The following MAP3K14 variants were observed in gnomAD, a reference collection of about 807,000 sequenced individuals.
MAP3K14 encodes the protein NF-kappa-beta-inducing kinase.
Under a neutral mutation model 99.2 loss-of-function variants are expected in MAP3K14, and 16 were observed. The observed-to-expected ratio is 0.16, with a 90% CI of 0.11 to 0.24. The LOEUF is 0.24. MAP3K14 is among the 10% of genes least tolerant of loss of function. MAP3K14 has a pLI of 1.00. For synonymous variants in MAP3K14, 462 were observed against 492.4 expected (o/e 0.94, Z 0.82); for missense variants, 784 against 1,208.7 (o/e 0.65, Z 5.21).
chr17:45,270,972 A>G lies in MAP3K14; in HGVS notation c.1821+86T>C, dbSNP rs546776472. ...CAGGCCTCCCCTTGCTCCATCTGCCACCGCAGAGCAGCCCCTCCAGCCTGC... is the reference window on the plus strand; with the variant it reads ...CAGGCCTCCCCTTGCTCCATCTGCCGCCGCAGAGCAGCCCCTCCAGCCTGC... On this transcript the variant is annotated intron_variant, in intron 10 of 15. Coordinates refer to ENST00000344686, the MANE Select transcript of MAP3K14 (RefSeq NM_003954.5). The G allele has an allele frequency of 4.0e-5, 61 of 1,517,004 alleles. No individual in the cohort carries two copies. In the African/African-American group the frequency reaches 7.3e-4, roughly 18 times the overall value. The allele number at this position is 1,517,004 out of a possible 1,614,324, so 94.0% of individuals were successfully genotyped here. A position where few individuals can be genotyped will look rare whatever the true frequency, so the allele number is the denominator to read the frequency against.
chr17:45,287,097 G>T, intron 4 of MAP3K14, 52 bp from the exon 5 acceptor site: 2 of 1,602,178 alleles, frequency 1.2e-6, no homozygotes, highest in Non-Finnish European at 8.5e-7. Context: ...CCAGGGACAG[G>T]CTCCAATTTC....
chr17:45,290,931 T>C, intron 1 of MAP3K14, 166 bp from the exon 2 acceptor site: 1 of 629,950 alleles, frequency 1.6e-6, no homozygotes, highest in South Asian at 1.9e-5. Context: ...GGTAACAGAG[T>C]CCACCTCTCA....
At chr17:45,293,920 C>G (rs2044330261) in intron 1 of MAP3K14, among the ~76,000 whole-genome samples, 1 of 152,228 alleles carries the variant, frequency 6.6e-6, no homozygotes, top group South Asian at 2.1e-4. Context: ...CTACAAAAAT[C>G]ATGGTTCTGT....
At chr17:45,316,618 G>A (rs1028897328) in intron 1 of MAP3K14, among the ~76,000 whole-genome samples, 10 of 152,214 alleles carry the variant, frequency 6.6e-5, no homozygotes, top group Non-Finnish European at 1.5e-4. Context: ...TGGGGGCACT[G>A]GGGCGCAGAG....
At chr17:45,266,317 G>A in intron 14 of MAP3K14, 1 of 494,912 alleles carries the variant, frequency 2.0e-6, no homozygotes, top group Non-Finnish European at 3.6e-6. Flanking sequence ...ACAATGAGGG[G>A]ATAATGGTCC....
At chr17:45,266,403 C>G in intron 14 of MAP3K14, 134 bp downstream of exon 14, 8 of 1,210,630 alleles carry the variant, frequency 6.6e-6, no homozygotes, top group Non-Finnish European at 9.1e-6. Flanking sequence ...CCAGGAACCT[C>G]AAGTTCTGGG....
At chr17:45,300,460 T>C (rs2044378674) in intron 1 of MAP3K14, among the ~76,000 whole-genome samples, 1 of 152,216 alleles carries the variant, frequency 6.6e-6, no homozygotes, top group Non-Finnish European at 1.5e-5. Flanking sequence ...GGCCATTGTT[T>C]CCCCAAACAT....
intron 1 of MAP3K14, among the ~76,000 whole-genome samples, chr17:45,304,298 T>C (rs2044415287): frequency 6.6e-6 from 1 of 152,202 alleles, no homozygotes. Flanking sequence ...GCCACCATGG[T>C]TGACCTCTAA....
chr17:45,312,375 G>A (rs1487638672), intron 1 of MAP3K14, among the ~76,000 whole-genome samples: 1 of 152,090 alleles, frequency 6.6e-6, no homozygotes, highest in Non-Finnish European at 1.5e-5. Flanking sequence ...CTTGACATCC[G>A]GTGATCTATT....
chr17:45,275,760 CT>C (rs369154222), intron 6 of MAP3K14, among the ~76,000 whole-genome samples: 29,597 of 123,270 alleles, frequency 0.24, 3,077 homozygotes, highest in East Asian at 0.36. Context: ...CTTTTCTTTT[CT>C]TTTTTTTTTT....
intron 2 of MAP3K14, among the ~76,000 whole-genome samples, chr17:45,289,832 G>C (rs1383304614): frequency 1.3e-5 from 2 of 152,202 alleles, no homozygotes; most frequent in Non-Finnish European, 2.9e-5. Context: ...CAGCATGGCT[G>C]TCCAGCTCTC....
At chr17:45,265,353 TAA>T in intron 14 of MAP3K14, 90 bp from the exon 15 acceptor site, 1 of 824,130 alleles carries the variant, frequency 1.2e-6, no homozygotes, top group South Asian at 1.4e-5. Context: ...ACGTTTTTGT[TAA>T]AAGTCACTCT....
At chr17:45,278,618 G>A (rs1010508650) in intron 6 of MAP3K14, among the ~76,000 whole-genome samples, 7 of 152,114 alleles carry the variant, frequency 4.6e-5, no homozygotes, top group East Asian at 1.9e-4. Context: ...GCTTTTACTC[G>A]GGCAAGCCTG....
chr17:45,294,279 A>G (rs1236090024), intron 1 of MAP3K14, among the ~76,000 whole-genome samples: 1 of 152,178 alleles, frequency 6.6e-6, no homozygotes, highest in African/African-American at 2.4e-5. Flanking sequence ...TTCACTCCAT[A>G]TTCTTTGAGG....
At chr17:45,311,098 C>T (rs1359648411) in intron 1 of MAP3K14, among the ~76,000 whole-genome samples, 2 of 152,240 alleles carry the variant, frequency 1.3e-5, no homozygotes, top group Admixed American at 6.5e-5. Context: ...AGTTCAGGCT[C>T]TGCCATTAAC....
intron 1 of MAP3K14, among the ~76,000 whole-genome samples, chr17:45,301,377 C>T (rs1466678736): frequency 2.0e-5 from 3 of 151,884 alleles, no homozygotes; most frequent in African/African-American, 4.8e-5. Flanking sequence ...GCAGGAGAAT[C>T]GCTTGAACCT....
At chr17:45,278,043 CTTA>C (rs1191533857) in intron 6 of MAP3K14, among the ~76,000 whole-genome samples, 2 of 152,116 alleles carry the variant, frequency 1.3e-5, no homozygotes, top group Non-Finnish European at 2.9e-5. Context: ...AGGATAAAGA[CTTA>C]TTATTCGACC....
At chr17:45,300,798 C>T (rs915977127) in intron 1 of MAP3K14, among the ~76,000 whole-genome samples, 2 of 152,086 alleles carry the variant, frequency 1.3e-5, no homozygotes, top group Non-Finnish European at 2.9e-5. Context: ...AAGATACCCA[C>T]TTTTTGTGTG....
In MAP3K14 at chr17:45,271,038, T is replaced by G; in HGVS notation, c.1821+20A>C. The stretch of plus-strand genomic sequence containing the variant: ...GCCCTGCAGCTCCCCCTGTTGGCCA[T>G]GCTGGGTGCCGTCACCGACCTTGAG... On this transcript the variant is annotated intron_variant, in intron 10 of 15. Transcript: ENST00000344686. 6.2e-7 allele frequency: 1 copy of G among 1,608,864 alleles called. No homozygotes were observed. Among genetic ancestry groups the G allele is most frequent in the African/African-American group, 1.3e-5 (1 of 74,964 alleles).
Sources: gnomAD v4.1 joint callset for allele counts (sites outside exome capture counted in the v4.1 genomes callset) on GRCh38, gnomAD v4.1.1 for gene constraint, MANE v1.5 for transcripts, NCBI Gene and HGNC (gene_info 2026-07-23, HGNC 2026-07-21) for gene names.